The following TCF12 variants were observed in gnomAD, a reference collection of about 807,000 sequenced individuals.
TCF12 encodes the protein DNA-binding protein HTF4.
TCF12 carries 45 observed loss-of-function variants against 86.0 expected under a neutral mutation model. The observed-to-expected ratio is 0.52, with a 90% CI of 0.41 to 0.67. TCF12 has a LOEUF of 0.67. Among genes scored for constraint, TCF12 ranks in the 30% least tolerant of loss-of-function variants. TCF12 has a pLI of 0.00. For missense variants in TCF12, 881 were observed against 859.9 expected, an observed-to-expected ratio of 1.02 and a Z score of -0.31; for synonymous variants, 330 against 299.6, an observed-to-expected ratio of 1.10 and a Z score of -1.05.
At chr15:57,136,769 A>G (rs1596739518) in intron 5 of TCF12, among the ~76,000 whole-genome samples, 2 of 150,048 alleles carry the variant, frequency 1.3e-5, no homozygotes, top group Admixed American at 6.6e-5. Context: ...TCTACATCCC[A>G]GGCTCAAGTG....
chr15:56,957,050 C>G (rs1329771571), intron 3 of TCF12, among the ~76,000 whole-genome samples: 1 of 152,096 alleles, frequency 6.6e-6, no homozygotes, highest in African/African-American at 2.4e-5. Flanking sequence ...TAGGTTTGCC[C>G]CCTCTTGCTC....
At chr15:56,948,763 A>C (rs898331623) in intron 3 of TCF12, among the ~76,000 whole-genome samples, 4 of 152,232 alleles carry the variant, frequency 2.6e-5, no homozygotes, top group Admixed American at 6.5e-5. Flanking sequence ...ATGTATTGCA[A>C]GCATTACTTG....
intron 3 of TCF12, among the ~76,000 whole-genome samples, chr15:56,946,798 C>CCTTTTTTTTTTTTTTTTTTTTTT (rs2061018263): frequency 8.8e-6 from 1 of 113,544 alleles, no homozygotes; most frequent in African/African-American, 3.1e-5. Flanking sequence ...TCTAAAGTAC[C>CCTTTTTTTTTTTTTTTTTTTTTT]TTTTTTTTTT....
chr15:57,077,227 G>C (rs903068222), intron 4 of TCF12, among the ~76,000 whole-genome samples: 2 of 151,896 alleles, frequency 1.3e-5, no homozygotes, highest in Non-Finnish European at 2.9e-5. Flanking sequence ...TGAGTCTGTA[G>C]ATCAGTTGGA....
chr15:57,170,689 A>ATAAT (rs71113072), intron 6 of TCF12, among the ~76,000 whole-genome samples: 1 of 23,562 alleles, frequency 4.2e-5, no homozygotes, highest in African/African-American at 1.1e-4. Flanking sequence ...TATTATATAT[A>ATAAT]ATATATATTA....
chr15:57,091,692 G>A (rs1356610340), intron 4 of TCF12, 97 bp from the exon 5 acceptor site: 2 of 756,268 alleles, frequency 2.6e-6, no homozygotes, highest in African/African-American at 3.4e-5. Flanking sequence ...AAATGACCAT[G>A]TGTAAGTCTG....
intron 3 of TCF12, among the ~76,000 whole-genome samples, chr15:56,963,159 G>GT (rs1471612590): frequency 7.1e-6 from 1 of 140,070 alleles, no homozygotes. Context: ...ACTTGTTTTT[G>GT]TTTTTTTATT....
chr15:57,084,427 A>G (rs2048498852), intron 4 of TCF12, among the ~76,000 whole-genome samples: 1 of 152,182 alleles, frequency 6.6e-6, no homozygotes, highest in Admixed American at 6.5e-5. Context: ...AATAGGGCTA[A>G]TACTGTTTTA....
chr15:56,993,601 C>A (rs531707250), intron 3 of TCF12, among the ~76,000 whole-genome samples: 1 of 152,266 alleles, frequency 6.6e-6, no homozygotes, highest in Non-Finnish European at 1.5e-5. Context: ...CTGAACTATA[C>A]ATACTTGGAA....
chr15:57,010,113 G>T (rs903326345), intron 3 of TCF12, among the ~76,000 whole-genome samples: 1 of 151,932 alleles, frequency 6.6e-6, no homozygotes, highest in Non-Finnish European at 1.5e-5. Context: ...CCTTTTGCAC[G>T]CAGTACATGT....
intron 3 of TCF12, among the ~76,000 whole-genome samples, chr15:56,938,696 C>A (rs1412406960): frequency 7.1e-6 from 1 of 141,168 alleles, no homozygotes; most frequent in Admixed American, 7.2e-5. Context: ...AGTGTCGCTG[C>A]TTGTTTCTTT....
chr15:57,183,918 G>A (rs1009554158), intron 6 of TCF12, among the ~76,000 whole-genome samples: 3 of 151,802 alleles, frequency 2.0e-5, no homozygotes, highest in Admixed American at 2.0e-4. Flanking sequence ...TAGATTTTCA[G>A]TGTACTTTTA....
chr15:57,008,385 C>CTTTTTTTCT (rs1555474857), intron 3 of TCF12, among the ~76,000 whole-genome samples: 50 of 149,500 alleles, frequency 3.3e-4, no homozygotes, highest in Middle Eastern at 3.5e-3. Flanking sequence ...CTTTTTTTTT[C>CTTTTTTTCT]TTTTTTTCGA....
At chr15:56,967,258 A>G (rs1479240440) in intron 3 of TCF12, among the ~76,000 whole-genome samples, 2 of 151,996 alleles carry the variant, frequency 1.3e-5, no homozygotes, top group East Asian at 1.9e-4. Flanking sequence ...TGTTTTGACT[A>G]CCTGTGAGCC....
At chr15:56,954,385 G>A (rs1023031180) in intron 3 of TCF12, among the ~76,000 whole-genome samples, 18 of 152,126 alleles carry the variant, frequency 1.2e-4, no homozygotes, top group Admixed American at 9.2e-4. Flanking sequence ...AGGTGAAACC[G>A]GATCTCTTCC....
chr15:57,108,826 A>G (rs1035940243), intron 5 of TCF12, among the ~76,000 whole-genome samples: 2 of 152,206 alleles, frequency 1.3e-5, no homozygotes, highest in African/African-American at 4.8e-5. Context: ...TAAAAAGTGT[A>G]CAAAGAGCCA....
At chr15:56,968,464 T>G (rs973366432) in intron 3 of TCF12, among the ~76,000 whole-genome samples, 48 of 152,020 alleles carry the variant, frequency 3.2e-4, no homozygotes, top group African/African-American at 9.4e-4. Context: ...CTTGAACTCC[T>G]GGACTCAAGC....
At chr15:57,088,838 G>A (rs559337731) in intron 4 of TCF12, among the ~76,000 whole-genome samples, 2 of 151,630 alleles carry the variant, frequency 1.3e-5, no homozygotes, top group South Asian at 2.1e-4. Context: ...TGTAGGTATC[G>A]GTCAACTAGA....
intron 5 of TCF12, among the ~76,000 whole-genome samples, chr15:57,158,453 A>G (rs1203338282): frequency 1.3e-5 from 2 of 152,132 alleles, no homozygotes; most frequent in South Asian, 2.1e-4. Context: ...TGCTGGGATT[A>G]CAGATATGAG....
Sources: gnomAD v4.1 joint callset for allele counts (sites outside exome capture counted in the v4.1 genomes callset) on GRCh38, gnomAD v4.1.1 for gene constraint, MANE v1.5 for transcripts, NCBI Gene and HGNC (gene_info 2026-07-23, HGNC 2026-07-21) for gene names.